CADPS: variants seen among roughly 807,000 people sequenced by gnomAD.
CADPS encodes calcium-dependent secretion activator 1.
Under a neutral mutation model 167.3 loss-of-function variants are expected in CADPS, and 57 were observed. The ratio of observed to expected loss-of-function variants is 0.34; its 90% CI spans 0.28 to 0.42. The LOEUF is 0.42. Among genes scored for constraint, CADPS ranks in the 20% least tolerant of loss-of-function variants. The probability of loss-of-function intolerance (pLI) is 1.00; values close to 1 mark genes in which losing one functional copy is unlikely to be tolerated. For missense variants in CADPS, 1,414 were observed against 1,738.1 expected (o/e 0.81, Z 3.32); for synonymous variants, 676 against 635.3 (o/e 1.06, Z -0.96).
At chr3:62,472,491 A>G (rs992733559) in intron 24 of CADPS, among the ~76,000 whole-genome samples, 1 of 152,176 alleles carries the variant, frequency 6.6e-6, no homozygotes, top group African/African-American at 2.4e-5. Context: ...GGGCTTGATG[A>G]AGCCTAAGAG....
intron 1 of CADPS, among the ~76,000 whole-genome samples, chr3:62,855,733 C>G (rs2153139940): frequency 6.6e-6 from 1 of 152,130 alleles, no homozygotes; most frequent in East Asian, 1.9e-4. Context: ...TCAACTTTGC[C>G]TTTATGCATG....
Position 62,585,290 on chromosome 3 carries a change from T to C in CADPS, c.1472A>G (p.Gln491Arg). The change falls in exon 8 of 30, where the codon CAG (glutamine) becomes CGG (arginine). Residue 491 changes from glutamine (Q) to arginine (R), a missense_variant. This residue lies in a region of CADPS where 157 missense variants were observed against 229.4 expected (regional missense o/e 0.68). Transcript: ENST00000383710. ...GACTGTCATTTTGTGCCACTCTGAC[T>C]GTTTGGGGCTGTTCGGGGTGGGATG... ...ILHPTPNSPK[Q>R]SEWHKMTVSK... 1 of 1,613,148 alleles carries C rather than the reference T, an allele frequency of 6.2e-7. No homozygotes were observed. The highest frequency in any genetic ancestry group is 2.2e-5 in the East Asian group (1 of 44,852).
At chr3:62,729,844 G>GT in intron 3 of CADPS, among the ~76,000 whole-genome samples, 1 of 151,870 alleles carries the variant, frequency 6.6e-6, no homozygotes, top group East Asian at 1.9e-4. Context: ...TGCCTGCCAA[G>GT]TATTTCTGGT....
At chr3:62,801,349 AATAAGCACATAGAAT>A (rs2093751046) in intron 1 of CADPS, among the ~76,000 whole-genome samples, 1 of 152,152 alleles carries the variant, frequency 6.6e-6, no homozygotes, top group Non-Finnish European at 1.5e-5. Flanking sequence ...TAAAAAAAGA[AATAAGCACATAGAAT>A]TTATATTTAT....
At chr3:62,572,342 C>T (rs532677767) in intron 8 of CADPS, among the ~76,000 whole-genome samples, 1 of 152,244 alleles carries the variant, frequency 6.6e-6, no homozygotes, top group South Asian at 2.1e-4. Flanking sequence ...CTTCCCTCTT[C>T]CCACTTCCAC....
At chr3:62,774,787 G>T (rs930227072) in intron 1 of CADPS, among the ~76,000 whole-genome samples, 2 of 152,130 alleles carry the variant, frequency 1.3e-5, no homozygotes, top group Admixed American at 6.5e-5. Flanking sequence ...AGTATATGAA[G>T]AGAATCTGGC....
At chr3:62,616,915 A>G (rs2062412723) in intron 6 of CADPS, among the ~76,000 whole-genome samples, 1 of 152,320 alleles carries the variant, frequency 6.6e-6, no homozygotes, top group Admixed American at 6.5e-5. Flanking sequence ...TGTTTTAATC[A>G]AATGTCCCTT....
At chr3:62,798,341 G>A (rs1442508488) in intron 1 of CADPS, among the ~76,000 whole-genome samples, 1 of 152,064 alleles carries the variant, frequency 6.6e-6, no homozygotes, top group Non-Finnish European at 1.5e-5. Flanking sequence ...GAATCTTCCA[G>A]CCTTCATCCT....
chr3:62,653,909 A>G (rs2150276556), intron 4 of CADPS, among the ~76,000 whole-genome samples: 1 of 152,260 alleles, frequency 6.6e-6, no homozygotes, highest in African/African-American at 2.4e-5. Context: ...GGCTAAGCTC[A>G]CTGTGTGGTG....
rs533142360 is a variant in CADPS at position 62,857,135 on chromosome 3, C to A, written c.441+17454G>T. On this transcript the variant is annotated intron_variant, in intron 1 of 29. Coordinates refer to ENST00000383710, the MANE Select transcript of CADPS (RefSeq NM_003716.4). ...CTAAAATAGAAATAGCTCTTAAAAA[C>A]AAATAAGCATAACAATGGATGGAAG... is the stretch of plus-strand genomic sequence containing the variant. Among the ~76,000 whole-genome samples the A allele has an allele frequency of 2.6e-5, 4 of 151,868 alleles. No individual in the cohort carries two copies. In the East Asian group the frequency reaches 7.7e-4, roughly 29 times the overall value.
At chr3:62,670,221 A>G (rs1484036838) in intron 3 of CADPS, among the ~76,000 whole-genome samples, 6 of 152,180 alleles carry the variant, frequency 3.9e-5, no homozygotes, top group African/African-American at 1.4e-4. Context: ...GTAGGTGTAT[A>G]TAACTCTACT....
rs186865294 is a variant in CADPS at position 62,841,709 on chromosome 3, G to A, written c.441+32880C>T. The stretch of plus-strand genomic sequence containing the variant: ...AAGTGAGAACCTGTCTCAAAAATAT[G>A]TATTTCATATCAAGAGGGAATAAGA... On this transcript the variant is annotated intron_variant, in intron 1 of 29. Transcript: ENST00000383710. Among the ~76,000 whole-genome samples, 343 of 152,200 alleles carry A rather than the reference G, an allele frequency of 2.3e-3. 4 individuals carry two copies. The highest frequency in any genetic ancestry group is 8.0e-3 in the African/African-American group (334 of 41,540).
intron 16 of CADPS, among the ~76,000 whole-genome samples, chr3:62,515,123 G>A (rs535090453): frequency 2.6e-5 from 4 of 152,108 alleles, no homozygotes; most frequent in Non-Finnish European, 5.9e-5. Flanking sequence ...GATGGGGTCT[G>A]AGTGATTGGT....
In CADPS at chr3:62,515,925, A is replaced by G. The variant is rs543608421; in HGVS notation, c.2581+134T>C. Reference sequence around the variant, plus strand: ...ACAGCCAAGGAAACTTCGACATTTCAGGTGCTTCCAGGTTTCAGCTTAATA... The same window carrying G: ...ACAGCCAAGGAAACTTCGACATTTCGGGTGCTTCCAGGTTTCAGCTTAATA... On this transcript the variant is annotated intron_variant, in intron 16 of 29. Coordinates refer to ENST00000383710, the MANE Select transcript of CADPS (RefSeq NM_003716.4). The G allele has an allele frequency of 2.4e-5, 24 of 1,006,686 alleles. No homozygotes were observed. The South Asian group carries it at 2.5e-4, about 11-fold the overall frequency. The allele number at this position is 1,006,686 out of a possible 1,614,324, so 62.4% of individuals were successfully genotyped here. A position where few individuals can be genotyped will look rare whatever the true frequency, so the allele number is the denominator to read the frequency against.
intron 3 of CADPS, among the ~76,000 whole-genome samples, chr3:62,701,247 AAAAAGAGGGAAGCAATTTTGGGG>A (rs1347122333): frequency 6.6e-6 from 1 of 152,148 alleles, no homozygotes; most frequent in Non-Finnish European, 1.5e-5. Flanking sequence ...TTAGGACAAG[AAAAAGAGGGAAGCAATTTTGGGG>A]AACCATCATT....
intron 1 of CADPS, among the ~76,000 whole-genome samples, chr3:62,852,861 G>A (rs2078908250): frequency 6.6e-6 from 1 of 152,068 alleles, no homozygotes; most frequent in Non-Finnish European, 1.5e-5. Context: ...TGTCTATGTA[G>A]CATTGAATGA....
At chr3:62,789,717 G>A (rs1170994173) in intron 1 of CADPS, among the ~76,000 whole-genome samples, 1 of 152,164 alleles carries the variant, frequency 6.6e-6, no homozygotes, top group African/African-American at 2.4e-5. Context: ...GAAGTTTTAT[G>A]TTTATTCTTA....
intron 7 of CADPS, among the ~76,000 whole-genome samples, chr3:62,587,155 T>C (rs1256255301): frequency 6.6e-6 from 1 of 152,236 alleles, no homozygotes; most frequent in Non-Finnish European, 1.5e-5. Flanking sequence ...CAGGCTTGCA[T>C]TGCTAGTACT....
intron 18 of CADPS, among the ~76,000 whole-genome samples, chr3:62,493,999 T>A (rs1234961792): frequency 6.6e-6 from 1 of 152,174 alleles, no homozygotes; most frequent in Non-Finnish European, 1.5e-5. Context: ...ACTTATAAAT[T>A]GAAGTCAAAG....
Sources: allele counts gnomAD v4.1 joint callset (sites outside exome capture counted in the v4.1 genomes callset), GRCh38; gene constraint gnomAD v4.1.1; regional missense constraint gnomAD v4.1.1; transcripts MANE v1.5; gene names NCBI Gene and HGNC (gene_info 2026-07-23, HGNC 2026-07-21).